NTAQ1: variants seen among roughly 807,000 people sequenced by gnomAD.
NTAQ1 encodes the protein N-terminal glutamine amidase 1, also known as protein N-terminal glutamine amidohydrolase.
A neutral mutation model predicts 28.2 loss-of-function variants in NTAQ1; 21 were observed. The ratio of observed to expected loss-of-function variants is 0.74; its 90% CI spans 0.53 to 1.07. The LOEUF is 1.07. Among genes scored for constraint, NTAQ1 ranks in the 50% least tolerant of loss-of-function variants. The probability of loss-of-function intolerance (pLI) is 0.00; values close to 1 mark genes in which losing one functional copy is unlikely to be tolerated. For missense variants in NTAQ1, 264 were observed against 256.6 expected, an observed-to-expected ratio of 1.03 and a Z score of -0.20; for synonymous variants, 105 against 90.0, an observed-to-expected ratio of 1.17 and a Z score of -0.94.
At position 123,427,997 on chromosome 8, in the gene NTAQ1, G is replaced by A. The variant is rs1250703993; in HGVS notation, c.157G>A (p.Val53Ile). 1.2e-6 allele frequency: 2 copies of A among 1,610,286 alleles called. No individual in the cohort carries two copies. The highest frequency in any genetic ancestry group is 1.3e-5 in the African/African-American group (1 of 74,788). Residue 53 changes from valine (V) to isoleucine (I), a missense_variant, in exon 2 of 6, where the codon GTC becomes ATC. Transcript: ENST00000287387. The part of the protein sequence containing the change: ...DQYPLEECYA[V>I]FISNERKMIP... ...GTATCCTTTAGAAGAATGTTATGCT[G>A]TCTTCATATCTAATGAGAGGAAGAT...
At chr8:123,443,247 T>C (rs11781261), downstream of NTAQ1, among the ~76,000 whole-genome samples, 1 of 151,560 alleles carries the variant, frequency 6.6e-6, no homozygotes, top group Non-Finnish European at 1.5e-5. Flanking sequence ...ATCAAACTCC[T>C]GACCTCAGGT....
At chr8:123,431,477 G>C (rs768015222) in intron 3 of NTAQ1, among the ~76,000 whole-genome samples, 1 of 152,074 alleles carries the variant, frequency 6.6e-6, no homozygotes, top group African/African-American at 2.4e-5. Flanking sequence ...GATTGGCTTC[G>C]CTCATTTATT....
exon 7 of NTAQ1, among the ~76,000 whole-genome samples, chr8:123,469,835 A>G (rs17330287): frequency 0.17 from 25,796 of 152,236 alleles, 2,758 homozygotes; most frequent in Non-Finnish European, 0.25. Flanking sequence ...GAGTCTATGC[A>G]GAATCTCGTC....
chr8:123,422,446 T>C (rs952581182), intron 1 of NTAQ1, among the ~76,000 whole-genome samples: 2 of 151,964 alleles, frequency 1.3e-5, no homozygotes, highest in African/African-American at 4.8e-5. Flanking sequence ...TGGTTAATTT[T>C]TTTTACTTTT....
chr8:123,462,180 G>A (rs918048433), intron 6 of NTAQ1, among the ~76,000 whole-genome samples: 3 of 151,928 alleles, frequency 2.0e-5, no homozygotes, highest in African/African-American at 7.3e-5. Flanking sequence ...CGAGTAGCTG[G>A]GACTACAGGT....
intron 6 of NTAQ1, among the ~76,000 whole-genome samples, chr8:123,466,363 G>A (rs1439859397): frequency 6.6e-6 from 1 of 152,226 alleles, no homozygotes; most frequent in Non-Finnish European, 1.5e-5. Context: ...TAGCTAGTGA[G>A]TGGAGGAGGA....
chr8:123,416,958 G>T, intron 1 of NTAQ1, 26 bp downstream of exon 1: 4 of 1,440,126 alleles, frequency 2.8e-6, no homozygotes, highest in Non-Finnish European at 2.7e-6. Context: ...CGCAGCCTCT[G>T]GGTCTCCCAG....
intron 6 of NTAQ1, among the ~76,000 whole-genome samples, chr8:123,466,403 A>T (rs1484965407): frequency 6.6e-6 from 1 of 152,206 alleles, no homozygotes; most frequent in Admixed American, 6.5e-5. Context: ...ACAGAAGAAA[A>T]TGACTACTTT....
chr8:123,461,187 C>A (rs917239038), intron 6 of NTAQ1, among the ~76,000 whole-genome samples: 5 of 152,250 alleles, frequency 3.3e-5, no homozygotes, highest in Admixed American at 3.3e-4. Context: ...AGTGGCTTAG[C>A]TTTCTTGCTC....
chr8:123,474,638 C>T (rs1031751711), downstream of NTAQ1, among the ~76,000 whole-genome samples: 4 of 152,148 alleles, frequency 2.6e-5, no homozygotes, highest in Non-Finnish European at 2.9e-5. Flanking sequence ...GGCGTGGTGG[C>T]GTATGCCTGT....
At chr8:123,416,990 A>T in intron 1 of NTAQ1, 58 bp downstream of exon 1, 1 of 1,375,826 alleles carries the variant, frequency 7.3e-7, no homozygotes, top group East Asian at 3.1e-5. Flanking sequence ...GCGAGTCGCA[A>T]CCGGGCCCCG....
At chr8:123,445,391 A>G (rs775549915), downstream of NTAQ1, among the ~76,000 whole-genome samples, 2 of 152,072 alleles carry the variant, frequency 1.3e-5, no homozygotes, top group Admixed American at 1.3e-4. Context: ...GATGTTTTCT[A>G]GTCAGTACAT....
chr8:123,429,753 G>A (rs888974070), intron 2 of NTAQ1, among the ~76,000 whole-genome samples: 2 of 151,946 alleles, frequency 1.3e-5, no homozygotes, highest in East Asian at 1.9e-4. Flanking sequence ...GGTGGCACAC[G>A]CCTGTAATCC....
chr8:123,469,594 T>TTTTGAGTGAGG (rs1451237697), exon 7 of NTAQ1, among the ~76,000 whole-genome samples: 1 of 152,278 alleles, frequency 6.6e-6, no homozygotes, highest in Non-Finnish European at 1.5e-5. Flanking sequence ...TGTACTGATC[T>TTTTGAGTGAGG]TTTGAGTGAG....
downstream of NTAQ1, among the ~76,000 whole-genome samples, chr8:123,443,358 G>T (rs552417322): frequency 9.9e-4 from 151 of 152,316 alleles, 1 homozygote; most frequent in Non-Finnish European, 2.0e-3. Flanking sequence ...AAATGTGGCT[G>T]CCAGACTGCC....
intron 5 of NTAQ1, 24 bp downstream of exon 5, chr8:123,437,358 T>TGG (rs1271299324): frequency 1.9e-6 from 3 of 1,613,308 alleles, no homozygotes; most frequent in Admixed American, 1.7e-5. Context: ...CCTTCTCAGA[T>TGG]GGGGGTTCTG....
chr8:123,458,290 G>T (rs771724975), intron 6 of NTAQ1, among the ~76,000 whole-genome samples: 2 of 148,818 alleles, frequency 1.3e-5, no homozygotes, highest in Non-Finnish European at 3.0e-5. Flanking sequence ...AGCCTCAGAT[G>T]TTCTCTCTGA....
At chr8:123,429,939 GT>G in intron 2 of NTAQ1, 43 bp from the exon 3 acceptor site, 5 of 1,368,344 alleles carry the variant, frequency 3.7e-6, no homozygotes, top group Non-Finnish European at 4.1e-6. Context: ...TTTAGTAGTG[GT>G]TTAACTAAAG....
At chr8:123,463,452 A>G (rs1422682220) in intron 6 of NTAQ1, among the ~76,000 whole-genome samples, 2 of 152,228 alleles carry the variant, frequency 1.3e-5, no homozygotes, top group African/African-American at 4.8e-5. Context: ...AATAACTCAT[A>G]AAGTTGATTT....
Sources: gnomAD v4.1 joint callset for allele counts (sites outside exome capture counted in the v4.1 genomes callset) on GRCh38, gnomAD v4.1.1 for gene constraint, MANE v1.5 for transcripts, NCBI Gene and HGNC (gene_info 2026-07-23, HGNC 2026-07-21) for gene names.